CENPM: variants seen among roughly 807,000 people sequenced by gnomAD.
CENPM encodes interphase centromere complex protein 39.
In CENPM, 14 loss-of-function variants were observed where a neutral mutation model predicts 19.6. The ratio of observed to expected loss-of-function variants is 0.71; its 90% CI spans 0.47 to 1.11. The LOEUF is 1.11. Ranked by LOEUF, CENPM falls within the 50% of genes most tolerant of loss-of-function variation. The probability of loss-of-function intolerance (pLI) is 0.00; values close to 1 mark genes in which losing one functional copy is unlikely to be tolerated. For missense variants in CENPM, 239 were observed against 228.4 expected (o/e 1.05, Z -0.30); for synonymous variants, 114 against 101.5 (o/e 1.12, Z -0.74).
chr22:41,936,225 A>C (rs2077683146), downstream of CENPM, among the ~76,000 whole-genome samples: 1 of 152,278 alleles, frequency 6.6e-6, no homozygotes, highest in Middle Eastern at 3.4e-3. Context: ...AGAGAAGCAG[A>C]GTGGGGCTGG....
At chr22:41,927,660 C>A in the CENPM span, among the ~76,000 whole-genome samples, 1 of 151,996 alleles carries the variant, frequency 6.6e-6, no homozygotes, top group African/African-American at 2.4e-5. Flanking sequence ...CCACCATGCC[C>A]GGCTAATTTT....
rs1458837543 is a variant in CENPM, at chr22:41,947,128, C to T, written c.-52G>A. On this transcript the variant is annotated 5_prime_UTR_variant, in exon 1 of 6. Coordinates refer to ENST00000215980, the MANE Select transcript of CENPM (RefSeq NM_024053.5). ...CTGCGGTGCGCGCCGATCTTTCAAA[C>T]CGCCCTGAGTCCAGCCCCTAGAGCG... 35 of 1,583,558 alleles carry T rather than the reference C, an allele frequency of 2.2e-5. No homozygotes were observed. The highest frequency in any genetic ancestry group is 3.0e-5 in the Non-Finnish European group (35 of 1,156,672).
chr22:41,945,702 C>T (rs1469498156), intron 3 of CENPM, among the ~76,000 whole-genome samples: 1 of 152,106 alleles, frequency 6.6e-6, no homozygotes, highest in Non-Finnish European at 1.5e-5. Flanking sequence ...TCCCAAAGTG[C>T]TGGGATTACA....
the CENPM span, among the ~76,000 whole-genome samples, chr22:41,931,046 G>C: frequency 0.049 from 7,359 of 151,536 alleles, 320 homozygotes; most frequent in African/African-American, 0.11. Flanking sequence ...ATGTTGGCCA[G>C]GCTGGTCTCG....
intron 3 of CENPM, 68 bp downstream of exon 3, chr22:41,945,845 T>G: frequency 3.1e-6 from 4 of 1,279,072 alleles, no homozygotes; most frequent in Non-Finnish European, 4.4e-6. Flanking sequence ...ACAAGTTAGG[T>G]CACCGTCTCA....
downstream of CENPM, among the ~76,000 whole-genome samples, chr22:41,937,278 C>T (rs1292172292): frequency 1.3e-5 from 2 of 152,206 alleles, no homozygotes; most frequent in Non-Finnish European, 2.9e-5. Context: ...CTAATTTGCA[C>T]CAGTTTTTGA....
intron 5 of CENPM, 76 bp downstream of exon 5, chr22:41,943,534 A>G: frequency 7.9e-7 from 1 of 1,272,282 alleles, no homozygotes; most frequent in Non-Finnish European, 1.1e-6. Context: ...AAGCATTCCC[A>G]ATGTGCCCAC....
intron 5 of CENPM, 82 bp from the exon 6 acceptor site, chr22:41,939,278 G>A: frequency 6.7e-7 from 1 of 1,486,672 alleles, no homozygotes; most frequent in Non-Finnish European, 9.0e-7. Context: ...GGCTGCCAGA[G>A]CAGGGCTGGG....
chr22:41,928,667 G>C, the CENPM span, among the ~76,000 whole-genome samples: 16 of 152,288 alleles, frequency 1.1e-4, no homozygotes, highest in East Asian at 2.7e-3. The surrounding 1 kb of genome is among the most constrained non-coding windows in gnomAD (Gnocchi z 4.0). Context: ...AGCTGCTCTG[G>C]GGGCAGGCAT....
At chr22:41,929,656 G>C in the CENPM span, among the ~76,000 whole-genome samples, 1 of 152,196 alleles carries the variant, frequency 6.6e-6, no homozygotes, top group East Asian at 1.9e-4. Context: ...AGACACAAAT[G>C]AGACACCCAC....
intron 5 of CENPM, among the ~76,000 whole-genome samples, chr22:41,939,598 G>A (rs533185260): frequency 4.6e-5 from 7 of 151,876 alleles, no homozygotes; most frequent in Non-Finnish European, 8.8e-5. Flanking sequence ...GAAGATACAG[G>A]GATAGGAAGG....
At chr22:41,933,093 G>A in the CENPM span, among the ~76,000 whole-genome samples, 3 of 152,232 alleles carry the variant, frequency 2.0e-5, no homozygotes, top group Admixed American at 6.5e-5. Flanking sequence ...GGTGACCTCG[G>A]AACAGAGGAC....
rs911234146 is a variant in CENPM, at chr22:41,946,670, G to C, written c.58-174C>G. On this transcript the variant is annotated intron_variant, in intron 1 of 5. Transcript: ENST00000215980. ...GCACGGGCTGGGGGCCTGAGGTTTG[G>C]ACCCGCTGCAGGCCTGTGGGCACCG... is the stretch of plus-strand genomic sequence containing the variant. 3 of 619,922 alleles carry C rather than the reference G, an allele frequency of 4.8e-6. No homozygotes were observed. In the South Asian group the frequency reaches 5.8e-5, roughly 12 times the overall value. The allele number at this position is 619,922 out of a possible 1,614,324, so 38.4% of individuals were successfully genotyped here.
intron 5 of CENPM, 141 bp from the exon 6 acceptor site, chr22:41,939,337 G>A (rs1334274976): frequency 5.6e-5 from 55 of 986,882 alleles, no homozygotes; most frequent in Non-Finnish European, 7.4e-5. Flanking sequence ...CCACAGCCAC[G>A]CCCTCATTCA....
At chr22:41,939,237 G>T in intron 5 of CENPM, 41 bp from the exon 6 acceptor site, 4 of 1,566,896 alleles carry the variant, frequency 2.6e-6, no homozygotes, top group Non-Finnish European at 3.5e-6. Context: ...TAGAATGCTG[G>T]CCCTGCTCCC....
chr22:41,943,796 G>C, intron 4 of CENPM, 95 bp from the exon 5 acceptor site: 1 of 1,098,924 alleles, frequency 9.1e-7, no homozygotes, highest in Non-Finnish European at 1.3e-6. Context: ...CCCCACTCTG[G>C]GGCTCAGTTT....
chr22:41,941,036 T>A (rs6002548), intron 5 of CENPM, among the ~76,000 whole-genome samples: 1 of 152,180 alleles, frequency 6.6e-6, no homozygotes, highest in African/African-American at 2.4e-5. Flanking sequence ...CTGCTGTTGC[T>A]TATGTTACAT....
In CENPM at chr22:41,939,102, A is replaced by C; in HGVS notation, c.497T>G (p.Leu166Arg). The part of the protein sequence containing the change: ...HVPGVSALNL[L>R]SLLRSSEGPS... ...GCCCTCAGAGCTTCTCAGCAGGGACAGCAGGTTCAGAGCTGAGACACCGGG... is the reference window on the plus strand; with the variant it reads ...GCCCTCAGAGCTTCTCAGCAGGGACCGCAGGTTCAGAGCTGAGACACCGGG... The change falls in exon 6 of 6, where the codon CTG (leucine) becomes CGG (arginine). Residue 166 changes from leucine to arginine, a missense_variant. Coordinates refer to ENST00000215980, the MANE Select transcript of CENPM (RefSeq NM_024053.5). 1 of 1,613,112 alleles carries C rather than the reference A, an allele frequency of 6.2e-7. No homozygotes were observed. Among genetic ancestry groups the C allele is most frequent in the Non-Finnish European group, 8.5e-7 (1 of 1,180,004 alleles).
chr22:41,946,443 T>C lies in CENPM; in HGVS notation c.111A>G (p.Lys37=). Residue 37 remains lysine (K), a synonymous_variant, in exon 2 of 6, where the codon AAA becomes AAG. Transcript: ENST00000215980. ...LLQQLADSML[K]EDCASELKVH... ...CCTTCAGCTCGGAGGCGCAGTCCTC[T>C]TTGAGCATCGAGTCCGCCAGCTGCT... is the stretch of plus-strand genomic sequence containing the variant. 1 of 1,613,068 alleles carries C rather than the reference T, an allele frequency of 6.2e-7. No homozygotes were observed. The highest frequency in any genetic ancestry group is 8.5e-7 in the Non-Finnish European group (1 of 1,179,946).
Sources: gnomAD v4.1 joint callset for allele counts (sites outside exome capture counted in the v4.1 genomes callset) on GRCh38, gnomAD v4.1.1 for gene constraint, Gnocchi (gnomAD v3.1) non-coding constraint, MANE v1.5 for transcripts, NCBI Gene and HGNC (gene_info 2026-07-23, HGNC 2026-07-21) for gene names.